Variants in MAP3K5 observed in about 807,000 individuals in gnomAD.
The protein encoded by MAP3K5 is mitogen-activated protein kinase kinase kinase 5, also known as ASK-1.
MAP3K5 carries 56 observed loss-of-function variants against 158.7 expected under a neutral mutation model. The observed-to-expected ratio is 0.35, with a 90% confidence interval of 0.28 to 0.44. MAP3K5 has a LOEUF of 0.44. MAP3K5 is among the 20% of genes least tolerant of loss of function. The pLI is 1.00. For synonymous variants in MAP3K5, 579 were observed against 601.7 expected (o/e 0.96, Z 0.55); for missense variants, 1,294 against 1,674.8 (o/e 0.77, Z 3.97).
chr6:136,639,775 T>C (rs577175184), intron 12 of MAP3K5, 137 bp from the exon 13 acceptor site: 33 of 581,208 alleles, frequency 5.7e-5, no homozygotes, highest in Admixed American at 4.7e-4. Context: ...AATAGCACTT[T>C]AAAAAGTGAT....
intron 4 of MAP3K5, among the ~76,000 whole-genome samples, chr6:136,697,632 A>T (rs776150889): frequency 2.1e-5 from 3 of 142,682 alleles, no homozygotes; most frequent in African/African-American, 3.1e-5. Context: ...ACTCCATATT[A>T]ATAAATTTTC....
Position 136,629,493 on chromosome 6 carries a change from C to T in MAP3K5, c.2017-6512G>A, listed in dbSNP as rs543713407. On this transcript the variant is annotated intron_variant, in intron 14 of 29. Transcript: ENST00000359015. ...TTTTTGAGAAGGAGTCACGCTCTGTCGCCCAGGCTGGAGTGCAGTGGCACA... is the reference window on the plus strand; with the variant it reads ...TTTTTGAGAAGGAGTCACGCTCTGTTGCCCAGGCTGGAGTGCAGTGGCACA... Among the ~76,000 whole-genome samples, 19 of 152,120 alleles carry T rather than the reference C, an allele frequency of 1.2e-4. No homozygotes were observed. The East Asian group carries it at 1.7e-3, about 14-fold the overall frequency.
intron 25 of MAP3K5, among the ~76,000 whole-genome samples, chr6:136,575,727 A>G (rs1774587022): frequency 2.0e-5 from 3 of 152,158 alleles, no homozygotes; most frequent in African/African-American, 7.2e-5. Context: ...ATTTTTGGCA[A>G]GAACACCACA....
At chr6:136,671,091 T>G (rs1050611916) in intron 7 of MAP3K5, among the ~76,000 whole-genome samples, 2 of 152,192 alleles carry the variant, frequency 1.3e-5, no homozygotes, top group African/African-American at 2.4e-5. Flanking sequence ...AAGTAGACAC[T>G]TCCCTTTCTA....
chr6:136,633,388 A>C (rs1211001670), intron 14 of MAP3K5, among the ~76,000 whole-genome samples: 1 of 151,380 alleles, frequency 6.6e-6, no homozygotes, highest in Non-Finnish European at 1.5e-5. Context: ...ACAGAGCAAG[A>C]CTCTGTCTGA....
intron 11 of MAP3K5, among the ~76,000 whole-genome samples, chr6:136,643,209 A>C (rs1778075599): frequency 6.6e-6 from 1 of 152,370 alleles, no homozygotes; most frequent in African/African-American, 2.4e-5. Context: ...GCCAAGGTAA[A>C]GAAAAATGTG....
At chr6:136,576,971 AG>A (rs1774649539) in intron 25 of MAP3K5, among the ~76,000 whole-genome samples, 1 of 152,046 alleles carries the variant, frequency 6.6e-6, no homozygotes, top group Non-Finnish European at 1.5e-5. Context: ...CGCATCTAGT[AG>A]GCTCTGCCAT....
intron 21 of MAP3K5, among the ~76,000 whole-genome samples, chr6:136,600,702 T>C (rs1012681803): frequency 1.2e-4 from 19 of 152,070 alleles, no homozygotes; most frequent in African/African-American, 4.3e-4. Flanking sequence ...AGAAATACAT[T>C]AGGTAGTCAA....
intron 10 of MAP3K5, 59 bp downstream of exon 10, chr6:136,656,248 C>G: frequency 6.7e-7 from 1 of 1,492,500 alleles, no homozygotes; most frequent in South Asian, 1.1e-5. Flanking sequence ...GATACAATCA[C>G]AGTACAAGAT....
rs186993205 is a variant in MAP3K5 at position 136,751,045 on chromosome 6, C to T, written c.449-30456G>A. 5.4e-3 allele frequency among the ~76,000 whole-genome samples: 819 copies of T among 151,980 alleles called. 8 individuals are homozygous for T. The highest frequency in any genetic ancestry group is 5.9e-3 in the Non-Finnish European group (403 of 67,974). On this transcript the variant is annotated intron_variant, in intron 1 of 29. Transcript: ENST00000359015. ...ATAACCCCAGTGAGTTGTTTTTTTC[C>T]CCACTTTTTCACCACTTCATCCCCG...
intron 2 of MAP3K5, among the ~76,000 whole-genome samples, chr6:136,711,256 A>G (rs1781294424): frequency 6.6e-6 from 1 of 152,144 alleles, no homozygotes; most frequent in Non-Finnish European, 1.5e-5. Context: ...GGATAGACTG[A>G]GAGAGGAAAG....
rs78320905 is a variant in MAP3K5, at chr6:136,737,354, G to A, written c.449-16765C>T. Reference sequence around the variant, plus strand: ...ACCTCAGTGACACTCAATTCACCCCGTAACAAACCTGCACATGTATCCTCT... The same window carrying A: ...ACCTCAGTGACACTCAATTCACCCCATAACAAACCTGCACATGTATCCTCT... On this transcript the variant is annotated intron_variant, in intron 1 of 29. Transcript: ENST00000359015. Among the ~76,000 whole-genome samples, 222 of 152,124 alleles carry A rather than the reference G, an allele frequency of 1.5e-3. 1 individual carries two copies. The highest frequency in any genetic ancestry group is 4.0e-3 in the African/African-American group (167 of 41,508).
intron 12 of MAP3K5, among the ~76,000 whole-genome samples, chr6:136,641,910 C>T (rs1322870680): frequency 6.6e-6 from 1 of 151,240 alleles, no homozygotes; most frequent in African/African-American, 2.4e-5. Flanking sequence ...ACATTTTGGA[C>T]CTGGGAGGCG....
At chr6:136,738,372 AGG>A (rs1319502814) in intron 1 of MAP3K5, among the ~76,000 whole-genome samples, 5 of 152,126 alleles carry the variant, frequency 3.3e-5, no homozygotes, top group Admixed American at 6.5e-5. Flanking sequence ...GTGTCCTCCA[AGG>A]GACCTGACTG....
chr6:136,741,099 C>A, intron 1 of MAP3K5, among the ~76,000 whole-genome samples: 1 of 152,078 alleles, frequency 6.6e-6, no homozygotes, highest in East Asian at 1.9e-4. Context: ...CAATGTGAGC[C>A]TCTTAACTAA....
intron 21 of MAP3K5, among the ~76,000 whole-genome samples, chr6:136,598,136 C>T (rs1360993598): frequency 6.6e-6 from 1 of 152,214 alleles, no homozygotes; most frequent in East Asian, 1.9e-4. Flanking sequence ...CAGCATCATC[C>T]CTCCCCTTTT....
At chr6:136,742,265 G>A (rs1443263974) in intron 1 of MAP3K5, among the ~76,000 whole-genome samples, 1 of 152,136 alleles carries the variant, frequency 6.6e-6, no homozygotes, top group Non-Finnish European at 1.5e-5. Flanking sequence ...ACAGTGTGGT[G>A]TAGGTGAAAG....
At chr6:136,774,109 T>C (rs1256328397) in intron 1 of MAP3K5, among the ~76,000 whole-genome samples, 2 of 152,192 alleles carry the variant, frequency 1.3e-5, no homozygotes, top group East Asian at 3.8e-4. Flanking sequence ...GCTTTCATCA[T>C]TATCCTTCAA....
At chr6:136,646,553 C>G (rs1778266938) in intron 11 of MAP3K5, among the ~76,000 whole-genome samples, 1 of 152,224 alleles carries the variant, frequency 6.6e-6, no homozygotes. Flanking sequence ...TACTCATTCT[C>G]TAGGCCTTGC....
Sources: allele counts gnomAD v4.1 joint callset (sites outside exome capture counted in the v4.1 genomes callset), GRCh38; gene constraint gnomAD v4.1.1; transcripts MANE v1.5; gene names NCBI Gene and HGNC (gene_info 2026-07-23, HGNC 2026-07-21).